NTSR2: variants seen among roughly 807,000 people sequenced by gnomAD.
The protein encoded by NTSR2 is neurotensin receptor type 2.
Under a neutral mutation model 24.1 loss-of-function variants are expected in NTSR2, and 22 were observed. That is an observed-to-expected ratio of 0.91 (90% CI 0.65 to 1.30). The LOEUF (loss-of-function observed/expected upper bound fraction) is 1.30, where lower values mean the gene tolerates loss of function less well. Ranked by LOEUF, NTSR2 falls within the 50% of genes most tolerant of loss-of-function variation. The probability of loss-of-function intolerance (pLI) is 0.00; values close to 1 mark genes in which losing one functional copy is unlikely to be tolerated. For synonymous variants in NTSR2, 291 were observed against 267.0 expected (o/e 1.09, Z -0.88); for missense variants, 570 against 570.4 (o/e 1.00, Z 0.01).
chr2:11,658,436 G>C lies in NTSR2; in HGVS notation c.*43C>G, dbSNP rs202058616. ...CTCACCTGCTTTGCCAGGTGACTAA[G>C]CAGCTGGTCATTTTGCTTGTTCTGT... On this transcript the variant is annotated 3_prime_UTR_variant, in exon 4 of 4. Transcript: ENST00000306928. 1.3e-3 allele frequency: 2,025 copies of C among 1,537,436 alleles called. 42 individuals are homozygous for C. The South Asian group carries it at 0.025, about 19-fold the overall frequency.
intron 1 of NTSR2, among the ~76,000 whole-genome samples, chr2:11,669,154 G>A (rs1379786748): frequency 6.6e-6 from 1 of 152,128 alleles, no homozygotes. Context: ...GGAGCTCGTT[G>A]GAACACAGAC....
chr2:11,659,711 A>G (rs1267439619), intron 3 of NTSR2, among the ~76,000 whole-genome samples: 1 of 151,986 alleles, frequency 6.6e-6, no homozygotes, highest in Non-Finnish European at 1.5e-5. Context: ...CTCTCCTTGG[A>G]ATAGGAGAGG....
intron 1 of NTSR2, among the ~76,000 whole-genome samples, chr2:11,665,215 C>G (rs1193092003): frequency 6.6e-6 from 1 of 152,186 alleles, no homozygotes; most frequent in Admixed American, 6.5e-5. Context: ...CGGCGGAGAA[C>G]TGCGCAGCCA....
In NTSR2 at chr2:11,662,125, C is replaced by T. The variant is rs1661086345; in HGVS notation, c.740G>A (p.Gly247Asp). Reference sequence around the variant, plus strand: ...CTCCAGGCGGCTGGGGGTGGAGCTGCCCGGGGTAGAAGTGGACGGCACTTG... The same window carrying T: ...CTCCAGGCGGCTGGGGGTGGAGCTGTCCGGGGTAGAAGTGGACGGCACTTG... ...CSQVPSTSTP[G>D]SSTPSRLELL... The change falls in exon 2 of 4, where the codon GGC becomes GAC. Residue 247 changes from glycine to aspartate, a missense_variant. Coordinates refer to ENST00000306928, the MANE Select transcript of NTSR2 (RefSeq NM_012344.4). 6.2e-7 allele frequency: 1 copy of T among 1,612,366 alleles called. No homozygotes were observed. Among genetic ancestry groups the T allele is most frequent in the South Asian group, 1.1e-5 (1 of 90,838 alleles).
chr2:11,665,055 GTTTTTTTTTTT>G (rs34751276), intron 1 of NTSR2, among the ~76,000 whole-genome samples: 19 of 106,676 alleles, frequency 1.8e-4, no homozygotes, highest in African/African-American at 3.0e-4. Context: ...CTTTGGCACT[GTTTTTTTTTTT>G]TTTTTTTTTT....
At chr2:11,668,528 G>T (rs4669765) in intron 1 of NTSR2, among the ~76,000 whole-genome samples, 86,868 of 151,966 alleles carry the variant, frequency 0.57, 25,850 homozygotes, top group South Asian at 0.69. Flanking sequence ...CACAGTAAAC[G>T]CTCCCACATA....
rs1013999523 is a variant in NTSR2, at chr2:11,667,062, G to A, written c.624+2444C>T. On this transcript the variant is annotated intron_variant, in intron 1 of 3. Transcript: ENST00000306928. ...GCCAGCAGCCATGTTCTTGTCCTGT[G>A]GACAGACCTGGGCATGTGAACGCTA... Among the ~76,000 whole-genome samples, 6 of 152,232 alleles carry A rather than the reference G, an allele frequency of 3.9e-5. No homozygotes were observed. The East Asian group carries it at 1.2e-3, about 29-fold the overall frequency.
In NTSR2 at chr2:11,669,678, C is replaced by T. The variant is rs1324488574; in HGVS notation, c.452G>A (p.Arg151Gln). Residue 151 changes from arginine (R) to glutamine (Q), a missense_variant, in exon 1 of 4, where the codon CGG becomes CAG. Coordinates refer to ENST00000306928, the MANE Select transcript of NTSR2 (RefSeq NM_012344.4). ...CGAGAGCGCCACCAGCCACCGGGTC[C>T]GGCGTGGCGTCAGCAGGCTGCGGGC... ...LRARSLLTPR[R>Q]TRWLVALSWA... is the part of the protein sequence containing the mutation. 6.5e-7 allele frequency: 1 copy of T among 1,536,646 alleles called. No homozygotes were observed. Among genetic ancestry groups the T allele is most frequent in the Non-Finnish European group, 8.7e-7 (1 of 1,147,038 alleles).
At position 11,669,812 on chromosome 2, in the gene NTSR2, C is replaced by A. The variant is rs775905667; in HGVS notation, c.318G>T (p.Leu106=). The change falls in exon 1 of 4, where the codon CTG becomes CTT. Residue 106 remains leucine, a synonymous_variant. Transcript: ENST00000306928. ...WFHYPWVFGD[L]GCRGYYFVHE... is the part of the protein sequence containing the mutation. ...GCACGAAGTAGTAGCCGCGGCAGCCCAGGTCGCCGAAGACCCAGGGGTAGT... is the reference window on the plus strand; with the variant it reads ...GCACGAAGTAGTAGCCGCGGCAGCCAAGGTCGCCGAAGACCCAGGGGTAGT... 6.4e-7 allele frequency: 1 copy of A among 1,567,812 alleles called. No homozygotes were observed. Among genetic ancestry groups the A allele is most frequent in the Non-Finnish European group, 8.6e-7 (1 of 1,163,856 alleles).
rs151212818 is a variant in NTSR2, at chr2:11,666,365, G to A, written c.624+3141C>T. Among the ~76,000 whole-genome samples the A allele has an allele frequency of 1.9e-3, 293 of 151,366 alleles. 1 individual carries two copies. Among genetic ancestry groups the A allele is most frequent in the African/African-American group, 6.4e-3 (267 of 41,530 alleles). On this transcript the variant is annotated intron_variant, in intron 1 of 3. Transcript: ENST00000306928. ...TATATAACTTTGCTTAAATAGTAAA[G>A]ATGTTTTCAAAGCAAAAAATAAAAT...
At position 11,670,007 on chromosome 2, in the gene NTSR2, G is replaced by GAGTGC; in HGVS notation, c.118_122dup (p.Ile42HisfsTer19). The GAGTGC allele has an allele frequency of 6.6e-7, 1 of 1,516,836 alleles. No individual in the cohort carries two copies. The highest frequency in any genetic ancestry group is 8.8e-7 in the Non-Finnish European group (1 of 1,138,270). The allele number at this position is 1,516,836 out of a possible 1,614,324, so 94.0% of individuals were successfully genotyped here. On this transcript the variant is annotated frameshift_variant, in exon 1 of 4. Coordinates refer to ENST00000306928, the MANE Select transcript of NTSR2 (RefSeq NM_012344.4). LOFTEE classifies it high-confidence loss of function. The stretch of plus-strand genomic sequence containing the variant: ...TGCCCGCCGCGCCCAGCGCCCAGAT[G>GAGTGC]AGTGCGTAGAGCGCGGTGAACAGCA...
At chr2:11,669,460 G>GGGGGGGGGGGGGGGGGGGCCCCCC in intron 1 of NTSR2, 46 bp downstream of exon 1, 2 of 254,726 alleles carry the variant, frequency 7.9e-6, no homozygotes, top group Non-Finnish European at 1.4e-5. Context: ...TCCCAGCACC[G>GGGGGGGGGGGGGGGGGGGCCCCCC]CCCCCCCACC....
chr2:11,658,766 C>T, intron 3 of NTSR2, 44 bp from the exon 4 acceptor site: 3 of 1,601,538 alleles, frequency 1.9e-6, no homozygotes, highest in Non-Finnish European at 2.6e-6. Flanking sequence ...CCTGTCACCT[C>T]CTCACAGTGT....
chr2:11,669,460 G>GGGGGGGGGGCCCCCCC, intron 1 of NTSR2, 46 bp downstream of exon 1: 1 of 254,726 alleles, frequency 3.9e-6, no homozygotes, highest in Non-Finnish European at 6.9e-6. Context: ...TCCCAGCACC[G>GGGGGGGGGGCCCCCCC]CCCCCCCACC....
chr2:11,661,895 G>T, intron 2 of NTSR2, 72 bp downstream of exon 2: 1 of 1,397,014 alleles, frequency 7.2e-7, no homozygotes, highest in Non-Finnish European at 9.6e-7. Flanking sequence ...AGGTCACCCG[G>T]CCAGGGATTG....
In NTSR2 at chr2:11,658,399, G is replaced by T; in HGVS notation, c.*80C>A. 1 of 1,514,902 alleles carries T rather than the reference G, an allele frequency of 6.6e-7. No homozygotes were observed. Among genetic ancestry groups the T allele is most frequent in the South Asian group, 1.3e-5 (1 of 74,876 alleles). 93.8% of individuals were successfully genotyped at this position (1,514,902 alleles called of 1,614,324 possible). ...CCTGGCTGCGAAGCTTGAATGATTA[G>T]TGATGAGGTTGCTCACCTGCTTTGC... is the stretch of plus-strand genomic sequence containing the variant. On this transcript the variant is annotated 3_prime_UTR_variant, in exon 4 of 4. Transcript: ENST00000306928.
In NTSR2 at chr2:11,660,052, G is replaced by C. The variant is rs377014236; in HGVS notation, c.980C>G (p.Ala327Gly). The C allele has an allele frequency of 1.2e-6, 2 of 1,613,802 alleles. No individual in the cohort carries two copies. Among genetic ancestry groups the C allele is most frequent in the Middle Eastern group, 1.7e-4 (1 of 6,060 alleles). ...RLMYCYVPDD[A>G]WTDPLYNFYH... ...CTTCTGCCACACTCACTCAGTCCACGCGTCATCAGGTACGTAGCAGTACAT... is the reference window on the plus strand; with the variant it reads ...CTTCTGCCACACTCACTCAGTCCACCCGTCATCAGGTACGTAGCAGTACAT... The change falls in exon 3 of 4, where the codon GCG becomes GGG. Residue 327 changes from alanine (A) to glycine (G), a missense_variant. Ala to Gly is a moderately conservative substitution (Grantham distance 60). Transcript: ENST00000306928.
intron 1 of NTSR2, among the ~76,000 whole-genome samples, chr2:11,664,129 ATTT>A (rs36027827): frequency 7.0e-6 from 1 of 143,322 alleles, no homozygotes; most frequent in Non-Finnish European, 1.5e-5. Flanking sequence ...AACACTGAGC[ATTT>A]TTTTTTTTTT....
intron 1 of NTSR2, chr2:11,665,636 G>C (rs1028069033): frequency 6.6e-6 from 1 of 152,210 alleles, no homozygotes; most frequent in East Asian, 1.9e-4. Context: ...CAGTGGTCAT[G>C]CAGGCAGCAA....
Sources: gnomAD v4.1 joint callset for allele counts (sites outside exome capture counted in the v4.1 genomes callset) on GRCh38, gnomAD v4.1.1 for gene constraint, MANE v1.5 for transcripts, NCBI Gene and HGNC (gene_info 2026-07-23, HGNC 2026-07-21) for gene names.